Variants in LAPTM4B observed in about 807,000 individuals in gnomAD.
LAPTM4B encodes lysosomal-associated transmembrane protein 4B.
A neutral mutation model predicts 28.5 loss-of-function variants in LAPTM4B; 26 were observed. The ratio of observed to expected loss-of-function variants is 0.91; its 90% CI spans 0.67 to 1.27. The LOEUF is 1.27. LAPTM4B is among the 50% of genes most tolerant of loss of function. The pLI is 0.00. For missense variants in LAPTM4B, 288 were observed against 285.8 expected, an observed-to-expected ratio of 1.01 and a Z score of -0.06; for synonymous variants, 109 against 106.4, an observed-to-expected ratio of 1.02 and a Z score of -0.15.
intron 2 of LAPTM4B, among the ~76,000 whole-genome samples, chr8:97,813,893 C>T (rs1234332890): frequency 6.6e-6 from 1 of 151,868 alleles, no homozygotes; most frequent in African/African-American, 2.4e-5. Flanking sequence ...ATTTGTTCTG[C>T]CAGATCTAGG....
rs1176218610 is a variant in LAPTM4B, at chr8:97,777,137, G to GTTTTTTTTTTTTT, written c.99+1044_99+1056dup. 5.1e-4 allele frequency among the ~76,000 whole-genome samples: 43 copies of GTTTTTTTTTTTTT among 83,852 alleles called. 4 individuals carry two copies. Among genetic ancestry groups the GTTTTTTTTTTTTT allele is most frequent in the South Asian group, 1.6e-3 (3 of 1,930 alleles). 55.0% of individuals were successfully genotyped at this position (83,852 alleles called of 152,430 possible). A position where few individuals can be genotyped will look rare whatever the true frequency, so the allele number is the denominator to read the frequency against. ...AGCATATATAACTTTTTTCAGTGAG[G>GTTTTTTTTTTTTT]TTTTTTTTTTTTTTTTTTTTTTTTT... On this transcript the variant is annotated intron_variant, in intron 1 of 6. Coordinates refer to ENST00000521545, the MANE Select transcript of LAPTM4B (RefSeq NM_018407.6).
chr8:97,816,128 C>T lies in LAPTM4B; in HGVS notation c.356C>T (p.Ala119Val). ...IFDFALNMLV[A>V]ITVLIYPNSI... ...GACTTTGCCCTGAACATGTTGGTTG[C>T]AATCACTGTGCTTATTTATCCAAAC... Residue 119 changes from alanine to valine, a missense_variant, in exon 4 of 7, where the codon GCA becomes GTA. Coordinates refer to ENST00000521545, the MANE Select transcript of LAPTM4B (RefSeq NM_018407.6). 6.2e-7 allele frequency: 1 copy of T among 1,613,818 alleles called. No homozygotes were observed. The highest frequency in any genetic ancestry group is 2.2e-5 in the East Asian group (1 of 44,876).
intron 1 of LAPTM4B, among the ~76,000 whole-genome samples, chr8:97,779,119 A>G (rs1293796784): frequency 6.6e-6 from 1 of 152,132 alleles, no homozygotes; most frequent in Non-Finnish European, 1.5e-5. Context: ...GAGTCCCAGG[A>G]GTTCGAAGCT....
chr8:97,836,457 AG>A (rs1435514991), intron 6 of LAPTM4B, among the ~76,000 whole-genome samples: 1 of 152,174 alleles, frequency 6.6e-6, no homozygotes, highest in Non-Finnish European at 1.5e-5. Context: ...CTGGGATTAC[AG>A]GCGCGAGCTA....
chr8:97,851,708 TC>T lies in LAPTM4B; in HGVS notation c.*235del. 1 of 543,944 alleles carries T rather than the reference TC, an allele frequency of 1.8e-6. No individual in the cohort carries two copies. Among genetic ancestry groups the T allele is most frequent in the Non-Finnish European group, 3.3e-6 (1 of 306,412 alleles). The allele number at this position is 543,944 out of a possible 1,614,324, so 33.7% of individuals were successfully genotyped here. ...TGTACGATTGGGGATATAATGGGCT[TC>T]ACTAACCTTCCCTAGGCATTGAAAC... On this transcript the variant is annotated 3_prime_UTR_variant, in exon 7 of 7. Coordinates refer to ENST00000521545, the MANE Select transcript of LAPTM4B (RefSeq NM_018407.6).
At chr8:97,849,833 G>C (rs1024411880) in intron 6 of LAPTM4B, among the ~76,000 whole-genome samples, 1 of 142,064 alleles carries the variant, frequency 7.0e-6, no homozygotes, top group African/African-American at 2.5e-5. Context: ...CCCGCCCCCG[G>C]TTCCTGTGTG....
chr8:97,797,257 T>A (rs1586324698), intron 1 of LAPTM4B, among the ~76,000 whole-genome samples: 1 of 151,910 alleles, frequency 6.6e-6, no homozygotes. Flanking sequence ...GCCTCAGCCT[T>A]CCGAGTAGCT....
At chr8:97,777,681 A>G (rs1586315739) in intron 1 of LAPTM4B, among the ~76,000 whole-genome samples, 1 of 152,366 alleles carries the variant, frequency 6.6e-6, no homozygotes, top group South Asian at 2.1e-4. Context: ...TTGGCGTGAA[A>G]GTATTTCAAA....
intron 1 of LAPTM4B, among the ~76,000 whole-genome samples, chr8:97,803,586 T>C (rs903326393): frequency 2.0e-5 from 3 of 152,200 alleles, no homozygotes; most frequent in Non-Finnish European, 4.4e-5. Context: ...AAATAAACTC[T>C]TGAATGGATG....
chr8:97,785,243 G>T (rs552560749), intron 1 of LAPTM4B, among the ~76,000 whole-genome samples: 3 of 151,966 alleles, frequency 2.0e-5, no homozygotes, highest in Non-Finnish European at 2.9e-5. Flanking sequence ...AGGCCACCAC[G>T]CCTGGCTTAA....
At chr8:97,817,832 C>T (rs897121406) in intron 4 of LAPTM4B, among the ~76,000 whole-genome samples, 25 of 151,654 alleles carry the variant, frequency 1.6e-4, no homozygotes, top group African/African-American at 6.1e-4. Context: ...TCAGGTGATC[C>T]GCCCACCTTG....
rs1198983058 is a variant in LAPTM4B, at chr8:97,815,387, T to TA, written c.272dup (p.Tyr91Ter). 1.9e-6 allele frequency: 3 copies of TA among 1,613,510 alleles called. No individual in the cohort carries two copies. Among genetic ancestry groups the TA allele is most frequent in the East Asian group, 2.2e-5 (1 of 44,894 alleles). Residue 91 changes from tyrosine (Y) to a stop codon, truncating the protein, a stop_gained and frameshift_variant, in exon 3 of 7, where the codon TAC becomes TAAC. Transcript: ENST00000521545. LOFTEE classifies it high-confidence loss of function. ...LMILICAMATYGAYKQRAAWI... is the reference protein window; with the variant it reads ...LMILICAMAT ...GATCCTGATATGTGCTATGGCTACT[T>TA]ACGGAGCGTACAAGGTAAGCCGCTT...
In LAPTM4B at chr8:97,828,826, C is replaced by T. The variant is rs369149685; in HGVS notation, c.603+3673C>T. On this transcript the variant is annotated intron_variant, in intron 6 of 6. Transcript: ENST00000521545. The stretch of plus-strand genomic sequence containing the variant: ...GTTGCAAGGCCTGCTACTCCTGTTC[C>T]GATTGCGGCAGTGGAAACTCCTAAT... 3.3e-5 allele frequency among the ~76,000 whole-genome samples: 5 copies of T among 152,262 alleles called. No individual in the cohort carries two copies. The East Asian group carries it at 5.8e-4, about 18-fold the overall frequency.
At chr8:97,823,342 T>A in intron 5 of LAPTM4B, among the ~76,000 whole-genome samples, 1 of 69,164 alleles carries the variant, frequency 1.4e-5, no homozygotes, top group African/African-American at 6.4e-5. Flanking sequence ...TCATACAATA[T>A]GGTTTTTTTT....
chr8:97,838,335 T>C (rs530693642), intron 6 of LAPTM4B, among the ~76,000 whole-genome samples: 5 of 152,340 alleles, frequency 3.3e-5, no homozygotes, highest in African/African-American at 9.6e-5. Flanking sequence ...AGTGACTGCA[T>C]TGATGCTGTA....
intron 6 of LAPTM4B, among the ~76,000 whole-genome samples, chr8:97,846,877 A>G (rs1817441359): frequency 6.6e-6 from 1 of 152,056 alleles, no homozygotes; most frequent in Admixed American, 6.6e-5. Flanking sequence ...CCAAATTATT[A>G]ATGTCTTGTG....
At position 97,809,377 on chromosome 8, in the gene LAPTM4B, T is replaced by TTC. The variant is rs1204104273; in HGVS notation, c.211+3913_211+3914insTC. Among the ~76,000 whole-genome samples, 3 of 152,210 alleles carry TTC rather than the reference T, an allele frequency of 2.0e-5. No homozygotes were observed. The South Asian group carries it at 6.2e-4, about 32-fold the overall frequency. ...TTTTTTCTGGAAGAGTTCATATGAG[T>TTC]ATAATGGGGTTATTCAGAATAGACA... On this transcript the variant is annotated intron_variant, in intron 2 of 6. Transcript: ENST00000521545.
At chr8:97,811,397 A>G (rs1293481110) in intron 2 of LAPTM4B, among the ~76,000 whole-genome samples, 2 of 152,234 alleles carry the variant, frequency 1.3e-5, no homozygotes, top group African/African-American at 2.4e-5. Context: ...CCAGATTTCC[A>G]ATGGCAGAAT....
chr8:97,806,889 C>T (rs913189179), intron 2 of LAPTM4B, among the ~76,000 whole-genome samples: 11 of 152,072 alleles, frequency 7.2e-5, no homozygotes, highest in African/African-American at 1.7e-4. Flanking sequence ...CCCCAGGTGG[C>T]GGAGGTTGCA....
Sources: gnomAD v4.1 joint callset for allele counts (sites outside exome capture counted in the v4.1 genomes callset) on GRCh38, gnomAD v4.1.1 for gene constraint, MANE v1.5 for transcripts, NCBI Gene and HGNC (gene_info 2026-07-23, HGNC 2026-07-21) for gene names.